SPAG16: variants seen among roughly 807,000 people sequenced by gnomAD.
SPAG16 encodes sperm-associated antigen 16 protein.
A neutral mutation model predicts 80.4 loss-of-function variants in SPAG16; 86 were observed. The ratio of observed to expected loss-of-function variants is 1.07; its 90% CI spans 0.90 to 1.28. SPAG16 has a LOEUF of 1.28. Among genes scored for constraint, SPAG16 ranks in the 50% most tolerant of loss-of-function variants. SPAG16 has a pLI of 0.00. For synonymous variants in SPAG16, 294 were observed against 265.9 expected, an observed-to-expected ratio of 1.11 and a Z score of -1.03; for missense variants, 870 against 765.3, an observed-to-expected ratio of 1.14 and a Z score of -1.61.
At chr2:213,870,651 A>G (rs1403883886) in intron 11 of SPAG16, among the ~76,000 whole-genome samples, 2 of 152,204 alleles carry the variant, frequency 1.3e-5, no homozygotes, top group Admixed American at 6.5e-5. Flanking sequence ...ACGAGAAAAT[A>G]TATATAAAGC....
chr2:213,948,988 G>T (rs1229305004), intron 12 of SPAG16, among the ~76,000 whole-genome samples: 1 of 151,956 alleles, frequency 6.6e-6, no homozygotes, highest in East Asian at 1.9e-4. Context: ...CTTGGGCCTT[G>T]TGTTTGCACA....
chr2:213,893,127 A>G (rs1361507739), intron 11 of SPAG16, among the ~76,000 whole-genome samples: 2 of 152,180 alleles, frequency 1.3e-5, no homozygotes, highest in African/African-American at 4.8e-5. Context: ...AACAGAAACC[A>G]TACAAGCCAG....
At chr2:213,714,883 T>A (rs1037064296) in intron 10 of SPAG16, among the ~76,000 whole-genome samples, 4 of 152,134 alleles carry the variant, frequency 2.6e-5, no homozygotes, top group Non-Finnish European at 4.4e-5. Context: ...GTGCCAGACA[T>A]CGGGAACCCA....
At chr2:214,149,883 A>G (rs1304600603) in intron 15 of SPAG16, among the ~76,000 whole-genome samples, 1 of 152,080 alleles carries the variant, frequency 6.6e-6, no homozygotes, top group East Asian at 1.9e-4. Flanking sequence ...TTTATGAACC[A>G]CACAATAATT....
chr2:213,594,941 ATCTG>A (rs973972966), intron 10 of SPAG16, among the ~76,000 whole-genome samples: 13 of 152,090 alleles, frequency 8.5e-5, no homozygotes, highest in African/African-American at 3.1e-4. Flanking sequence ...CCATATCCTT[ATCTG>A]TCTGTCTGTC....
Position 213,556,580 on chromosome 2 carries a change from A to G in SPAG16, c.1070+66490A>G, listed in dbSNP as rs1019360990. On this transcript the variant is annotated intron_variant, in intron 10 of 15. Coordinates refer to ENST00000331683, the MANE Select transcript of SPAG16 (RefSeq NM_024532.5). ...ATAAATGTGCACCTAACATCAGAAT[A>G]CCTAAGCATATAAACCAAATATTAA... Among the ~76,000 whole-genome samples the G allele has an allele frequency of 2.0e-5, 3 of 152,194 alleles. No individual in the cohort carries two copies. The South Asian group carries it at 6.2e-4, about 31-fold the overall frequency.
At chr2:213,499,477 G>T (rs2074643147) in intron 10 of SPAG16, among the ~76,000 whole-genome samples, 1 of 152,138 alleles carries the variant, frequency 6.6e-6, no homozygotes, top group Non-Finnish European at 1.5e-5. Flanking sequence ...TTGAAAGAAT[G>T]AATGCATGAC....
At chr2:214,016,244 C>A (rs2047586093) in intron 13 of SPAG16, among the ~76,000 whole-genome samples, 1 of 152,070 alleles carries the variant, frequency 6.6e-6, no homozygotes, top group African/African-American at 2.4e-5. Context: ...GTTCCTTATA[C>A]CTGTGGAGGC....
chr2:213,741,609 T>A (rs975974633), intron 10 of SPAG16, among the ~76,000 whole-genome samples: 16 of 152,140 alleles, frequency 1.1e-4, no homozygotes, highest in African/African-American at 3.4e-4. Flanking sequence ...GATTTCAGAT[T>A]TTAAAAAATA....
intron 10 of SPAG16, among the ~76,000 whole-genome samples, chr2:213,522,798 A>AATGT (rs1553555177): frequency 1.4e-5 from 2 of 146,770 alleles, no homozygotes; most frequent in Non-Finnish European, 3.0e-5. Flanking sequence ...TTACATGCCA[A>AATGT]ATATATATAT....
intron 15 of SPAG16, among the ~76,000 whole-genome samples, chr2:214,378,135 A>G (rs1700240712): frequency 2.0e-5 from 3 of 152,118 alleles, no homozygotes. Context: ...CTTCTCTAAA[A>G]CTTCCAGATG....
chr2:213,765,436 T>C (rs980534457), intron 10 of SPAG16, among the ~76,000 whole-genome samples: 1 of 152,176 alleles, frequency 6.6e-6, no homozygotes, highest in African/African-American at 2.4e-5. Flanking sequence ...TTCATCAGGC[T>C]TAGAAGAATG....
At chr2:213,777,469 C>T (rs2069671479) in intron 10 of SPAG16, among the ~76,000 whole-genome samples, 1 of 151,580 alleles carries the variant, frequency 6.6e-6, no homozygotes, top group Non-Finnish European at 1.5e-5. Context: ...TGCAGTGGCG[C>T]GATCTCCCCT....
In SPAG16 at chr2:213,350,610, C is replaced by G. The variant is rs2125044330; in HGVS notation, c.727C>G (p.Leu243Val). 1 of 1,602,728 alleles carries G rather than the reference C, an allele frequency of 6.2e-7. No homozygotes were observed. The highest frequency in any genetic ancestry group is 2.2e-5 in the East Asian group (1 of 44,484). The change falls in exon 7 of 16, where the codon CTG (leucine) becomes GTG (valine). Residue 243 changes from leucine to valine, a missense_variant. Transcript: ENST00000331683. ...CCACACTTTACTGAAGGAGAAAATG[C>G]TGACCTCCTTGGAAAGAGACAAAGT... ...KHHTLLKEKMLTSLERDKVVG... is the reference protein window; with the variant it reads ...KHHTLLKEKMVTSLERDKVVG...
chr2:214,061,936 C>T (rs1183865769), intron 13 of SPAG16, among the ~76,000 whole-genome samples: 1 of 142,772 alleles, frequency 7.0e-6, no homozygotes, highest in East Asian at 2.1e-4. Context: ...TGTTTGTTAT[C>T]CAATAAAAAA....
intron 10 of SPAG16, among the ~76,000 whole-genome samples, chr2:213,840,053 G>T (rs2074292989): frequency 6.6e-6 from 1 of 152,124 alleles, no homozygotes; most frequent in Non-Finnish European, 1.5e-5. Flanking sequence ...TATCCTGAGG[G>T]CTTCTAAAGC....
intron 10 of SPAG16, among the ~76,000 whole-genome samples, chr2:213,702,600 T>G (rs916970971): frequency 2.0e-5 from 3 of 152,154 alleles, no homozygotes; most frequent in African/African-American, 7.2e-5. Context: ...TATTTCATCT[T>G]TGTATAGTCT....
intron 10 of SPAG16, among the ~76,000 whole-genome samples, chr2:213,504,557 T>C (rs2074882540): frequency 6.6e-6 from 1 of 151,892 alleles, no homozygotes; most frequent in South Asian, 2.1e-4. Flanking sequence ...TATTAGAAGA[T>C]AAAGAAGGCT....
At chr2:213,985,029 A>G (rs925528295) in intron 12 of SPAG16, among the ~76,000 whole-genome samples, 1 of 152,142 alleles carries the variant, frequency 6.6e-6, no homozygotes, top group Non-Finnish European at 1.5e-5. Context: ...CATGTCTTAA[A>G]TATGTATTTG....
Sources: gnomAD v4.1 joint callset for allele counts (sites outside exome capture counted in the v4.1 genomes callset) on GRCh38, gnomAD v4.1.1 for gene constraint, MANE v1.5 for transcripts, NCBI Gene and HGNC (gene_info 2026-07-23, HGNC 2026-07-21) for gene names.